Variants in DLGAP1 observed in about 807,000 individuals in gnomAD.
DLGAP1 encodes disks large-associated protein 1.
DLGAP1 carries 11 observed loss-of-function variants against 90.8 expected under a neutral mutation model. The observed-to-expected ratio is 0.12, with a 90% confidence interval of 0.08 to 0.20. The LOEUF (loss-of-function observed/expected upper bound fraction) is 0.20, where lower values mean the gene tolerates loss of function less well. Ranked by LOEUF, DLGAP1 falls within the 10% of genes least tolerant of loss-of-function variation. The pLI, the probability that DLGAP1 is intolerant of heterozygous loss-of-function variation, is 1.00. For synonymous variants in DLGAP1, 558 were observed against 540.7 expected, an observed-to-expected ratio of 1.03 and a Z score of -0.44; for missense variants, 1,050 against 1,333.8, an observed-to-expected ratio of 0.79 and a Z score of 3.31.
chr18:4,319,357 C>T (rs1014894491), intron 1 of DLGAP1, among the ~76,000 whole-genome samples: 16 of 152,176 alleles, frequency 1.1e-4, no homozygotes, highest in South Asian at 2.1e-4. Context: ...TCTGTATATC[C>T]TAATTTAAAC....
At chr18:3,798,301 A>C (rs1208120738) in intron 5 of DLGAP1, among the ~76,000 whole-genome samples, 2 of 152,252 alleles carry the variant, frequency 1.3e-5, no homozygotes, top group Non-Finnish European at 2.9e-5. Context: ...AAAAGCAGCC[A>C]CACAGATCCA....
At chr18:3,874,895 G>A (rs2070957542) in intron 4 of DLGAP1, 3 of 687,462 alleles carry the variant, frequency 4.4e-6, no homozygotes, top group African/African-American at 3.7e-5. Context: ...TATTAACTGG[G>A]ACTTGCAACG....
At chr18:4,301,961 C>A (rs1246746715) in intron 1 of DLGAP1, among the ~76,000 whole-genome samples, 1 of 151,896 alleles carries the variant, frequency 6.6e-6, no homozygotes, top group Non-Finnish European at 1.5e-5. Flanking sequence ...CTATTCAGGT[C>A]CCTTGCCTAC....
At chr18:3,608,786 A>C (rs1016972030) in intron 7 of DLGAP1, among the ~76,000 whole-genome samples, 4 of 152,208 alleles carry the variant, frequency 2.6e-5, no homozygotes, top group Non-Finnish European at 4.4e-5. Context: ...GTTGTTTGTT[A>C]CCGTTAGATA....
rs374230074 is a variant in DLGAP1 at position 3,498,387 on chromosome 18, T to C, written c.*798A>G. On this transcript the variant is annotated 3_prime_UTR_variant, in exon 13 of 13. Coordinates refer to ENST00000315677, the MANE Select transcript of DLGAP1 (RefSeq NM_004746.4). ...CTTATGTAGTATACTAAACCATCAG[T>C]GCCTCCTTTGCCTTGCTTCATGTTA... is the stretch of plus-strand genomic sequence containing the variant. 3 of 152,366 alleles carry C rather than the reference T, an allele frequency of 2.0e-5. No individual in the cohort carries two copies. The allele number at this position is 152,366 out of a possible 1,614,324, so 9.4% of individuals were successfully genotyped here.
In DLGAP1 at chr18:3,897,707, A is replaced by C. The variant is rs559779150; in HGVS notation, c.-72-17567T>G. ...TTTATCAAAGAGGAAGTATAGTAAA[A>C]TTTGCACTCATTACAGGTTGAGTAC... On this transcript the variant is annotated intron_variant, in intron 3 of 12. Coordinates refer to ENST00000315677, the MANE Select transcript of DLGAP1 (RefSeq NM_004746.4). Among the ~76,000 whole-genome samples, 5 of 152,044 alleles carry C rather than the reference A, an allele frequency of 3.3e-5. No homozygotes were observed. In the East Asian group the frequency reaches 9.7e-4, roughly 29 times the overall value.
chr18:4,075,574 T>C (rs941195340), intron 2 of DLGAP1, among the ~76,000 whole-genome samples: 1 of 152,220 alleles, frequency 6.6e-6, no homozygotes, highest in African/African-American at 2.4e-5. Flanking sequence ...AGGTGCACTG[T>C]GCCTAAAATA....
At chr18:3,851,361 A>T (rs2069331682) in intron 4 of DLGAP1, among the ~76,000 whole-genome samples, 1 of 152,182 alleles carries the variant, frequency 6.6e-6, no homozygotes, top group Non-Finnish European at 1.5e-5. Flanking sequence ...GAAGTGATCC[A>T]TGAAGTAATT....
rs190030887 is a variant in DLGAP1, at chr18:4,084,140, C to T, written c.-159+67040G>A. On this transcript the variant is annotated intron_variant, in intron 2 of 12. Coordinates refer to ENST00000315677, the MANE Select transcript of DLGAP1 (RefSeq NM_004746.4). This position sits in a 1 kb window ranked among gnomAD's most constrained non-coding sequence, Gnocchi z 4.0. ...CAAAAAGATGGACTTGAGGTTTCCT[C>T]CCATCTCCTGTTTGAGCAGCCCTGT... Among the ~76,000 whole-genome samples the T allele has an allele frequency of 4.1e-4, 62 of 152,282 alleles. No individual in the cohort carries two copies. The highest frequency in any genetic ancestry group is 1.4e-3 in the African/African-American group (58 of 41,562).
intron 1 of DLGAP1, among the ~76,000 whole-genome samples, chr18:4,254,469 T>C (rs73376933): frequency 0.015 from 2,314 of 152,298 alleles, 51 homozygotes; most frequent in African/African-American, 0.051. Flanking sequence ...TTGTTCTTAA[T>C]TGAGTCAGGT....
intron 7 of DLGAP1, among the ~76,000 whole-genome samples, chr18:3,695,201 C>T (rs887301887): frequency 6.6e-6 from 1 of 152,078 alleles, no homozygotes; most frequent in African/African-American, 2.4e-5. Context: ...GTTTCAGCCT[C>T]CCAAAATGCT....
chr18:4,211,138 T>C (rs915331629), intron 1 of DLGAP1, among the ~76,000 whole-genome samples: 4 of 152,182 alleles, frequency 2.6e-5, no homozygotes, highest in Admixed American at 1.3e-4. Flanking sequence ...CACTGCACAA[T>C]GTAGCCACCT....
At chr18:3,679,522 C>T (rs1283400314) in intron 7 of DLGAP1, among the ~76,000 whole-genome samples, 1 of 151,378 alleles carries the variant, frequency 6.6e-6, no homozygotes, top group Non-Finnish European at 1.5e-5. Context: ...TTCATCATCC[C>T]CTTCTGTTCA....
chr18:4,253,209 G>A (rs73376929), intron 1 of DLGAP1, among the ~76,000 whole-genome samples: 5 of 152,264 alleles, frequency 3.3e-5, no homozygotes, highest in African/African-American at 4.8e-5. Flanking sequence ...GGATTTTATG[G>A]CCAATCAACT....
chr18:4,368,290 A>C (rs1428790017), intron 1 of DLGAP1, among the ~76,000 whole-genome samples: 1 of 152,200 alleles, frequency 6.6e-6, no homozygotes, highest in Non-Finnish European at 1.5e-5. Context: ...GATAATTTGA[A>C]ATGTCACCTT....
At chr18:4,010,720 A>G (rs1368011223) in intron 2 of DLGAP1, among the ~76,000 whole-genome samples, 3 of 152,132 alleles carry the variant, frequency 2.0e-5, no homozygotes, top group Non-Finnish European at 2.9e-5. Flanking sequence ...TAGCTCCTCT[A>G]TTCTCATAAG....
At position 3,944,490 on chromosome 18, in the gene DLGAP1, A is replaced by G. The variant is rs2148954060; in HGVS notation, c.-73+60626T>C. On this transcript the variant is annotated intron_variant, in intron 3 of 12. Coordinates refer to ENST00000315677, the MANE Select transcript of DLGAP1 (RefSeq NM_004746.4). ...CTGCACTCCAGCCTGGGCTATAGAC[A>G]GAGACTCTGTTAAAAAAAAAAAGTG... 2.0e-5 allele frequency among the ~76,000 whole-genome samples: 3 copies of G among 152,088 alleles called. No homozygotes were observed. The East Asian group carries it at 5.8e-4, about 29-fold the overall frequency.
At chr18:3,991,447 T>G (rs992100512) in intron 3 of DLGAP1, among the ~76,000 whole-genome samples, 3 of 152,202 alleles carry the variant, frequency 2.0e-5, no homozygotes, top group Admixed American at 2.0e-4. Flanking sequence ...CAGGGGAATT[T>G]CAGATATTGG....
chr18:4,305,406 C>T lies in DLGAP1; in HGVS notation c.-267+149600G>A, dbSNP rs185299709. On this transcript the variant is annotated intron_variant, in intron 1 of 12. Transcript: ENST00000315677. Reference sequence around the variant, plus strand: ...AAAATTAGCTGGGTGTGGTGGCACGCGCCTGTAGTCCCAGACACTCGGGAG... The same window carrying T: ...AAAATTAGCTGGGTGTGGTGGCACGTGCCTGTAGTCCCAGACACTCGGGAG... Among the ~76,000 whole-genome samples, 111 of 151,778 alleles carry T rather than the reference C, an allele frequency of 7.3e-4. 3 individuals are homozygous for T. In the East Asian group the frequency reaches 7.6e-3, roughly 10 times the overall value.
Sources: allele counts gnomAD v4.1 joint callset (sites outside exome capture counted in the v4.1 genomes callset), GRCh38; gene constraint gnomAD v4.1.1; non-coding constraint Gnocchi (gnomAD v3.1); transcripts MANE v1.5; gene names NCBI Gene and HGNC (gene_info 2026-07-23, HGNC 2026-07-21).